The following TAS1R3 variants were observed in gnomAD, a reference collection of about 807,000 sequenced individuals.
TAS1R3 encodes taste 1 receptor member 3.
TAS1R3 carries 58 observed loss-of-function variants against 46.1 expected under a neutral mutation model. That is an observed-to-expected ratio of 1.26 (90% CI 1.02 to 1.57). The LOEUF (loss-of-function observed/expected upper bound fraction) is 1.57. TAS1R3 is among the 40% of genes most tolerant of loss of function. The probability of loss-of-function intolerance (pLI) is 0.00; values close to 1 mark genes in which losing one functional copy is unlikely to be tolerated. For synonymous variants in TAS1R3, 724 were observed against 544.7 expected (o/e 1.33, Z -4.58); for missense variants, 1,422 against 1,185.8 (o/e 1.20, Z -2.93).
chr1:1,332,297 G>A lies in TAS1R3; in HGVS notation c.766G>A (p.Val256Met). The A allele has an allele frequency of 1.9e-6, 3 of 1,605,858 alleles. No homozygotes were observed. The highest frequency in any genetic ancestry group is 1.7e-6 in the Non-Finnish European group (2 of 1,178,994). The change falls in exon 3 of 6, where the codon GTG (valine) becomes ATG (methionine). Residue 256 changes from valine to methionine, a missense_variant. Transcript: ENST00000339381. ...PRADDSRLGK[V>M]QDVLHQVNQS... ...TGCCGATGACTCGCGGCTGGGGAAG[G>A]TGCAGGACGTCCTGCACCAGGTGAA... is the stretch of plus-strand genomic sequence containing the variant.
chr1:1,334,299 C>A lies in TAS1R3; in HGVS notation c.2394C>A (p.Leu798=), dbSNP rs1418019280. Residue 798 remains leucine, a synonymous_variant, in exon 6 of 6, where the codon CTC becomes CTA. Transcript: ENST00000339381. ...VLRPAVQMGA[L]LLCVLGILAA... is the part of the protein sequence containing the mutation. ...GGCCCGCCGTGCAGATGGGCGCCCT[C>A]CTGCTCTGTGTCCTGGGCATCCTGG... The A allele has an allele frequency of 1.9e-6, 3 of 1,611,932 alleles. No individual in the cohort carries two copies. Among genetic ancestry groups the A allele is most frequent in the African/African-American group, 1.3e-5 (1 of 74,934 alleles).
rs1643489984 is a variant in TAS1R3, at chr1:1,333,802, T to C, written c.1897T>C (p.Cys633Arg). The C allele has an allele frequency of 1.3e-6, 2 of 1,596,514 alleles. No individual in the cohort carries two copies. Among genetic ancestry groups the C allele is most frequent in the East Asian group, 2.2e-5 (1 of 44,556 alleles). Reference protein sequence around the residue: ...LFPGQPSPARCLAQQPLSHLP... With the variant: ...LFPGQPSPARRLAQQPLSHLP... ...CCCTGGCCAGCCCAGCCCTGCCCGA[T>C]GCCTGGCCCAGCAGCCCTTGTCCCA... The change falls in exon 6 of 6, where the codon TGC (cysteine) becomes CGC (arginine). Residue 633 changes from cysteine (C) to arginine (R), a missense_variant. Coordinates refer to ENST00000339381, the MANE Select transcript of TAS1R3 (RefSeq NM_152228.3).
rs200424163 is a variant in TAS1R3, at chr1:1,332,591, C to T, written c.1060C>T (p.Leu354=). The T allele has an allele frequency of 1.6e-4, 250 of 1,611,480 alleles. 2 individuals carry two copies. In the East Asian group the frequency reaches 4.7e-3, roughly 30 times the overall value. ...LATDPAFCSA[L]GEREQGLEED... Reference sequence around the variant, plus strand: ...CACCGACCCGGCCTTCTGCTCTGCCCTGGGCGAGAGGGAGCAGGGTCTGGA... The same window carrying T: ...CACCGACCCGGCCTTCTGCTCTGCCTTGGGCGAGAGGGAGCAGGGTCTGGA... Residue 354 remains leucine, a synonymous_variant, in exon 3 of 6, where the codon CTG becomes TTG. Transcript: ENST00000339381.
In TAS1R3 at chr1:1,332,674, G is replaced by T; in HGVS notation, c.1143G>T (p.Val381=). ...GTGACTGCATCACGCTGCAGAACGT[G>T]AGCGCAGGGCTAAATCACCACCAGA... ...PQCDCITLQN[V]SAGLNHHQTF... Residue 381 remains valine (V), a synonymous_variant, in exon 3 of 6, where the codon GTG becomes GTT. Transcript: ENST00000339381. The T allele has an allele frequency of 1.2e-6, 2 of 1,605,732 alleles. No individual in the cohort carries two copies. The highest frequency in any genetic ancestry group is 2.2e-5 in the East Asian group (1 of 44,852).
chr1:1,334,104 G>A lies in TAS1R3; in HGVS notation c.2199G>A (p.Ala733=), dbSNP rs373966526. The change falls in exon 6 of 6, where the codon GCG becomes GCA. Residue 733 remains alanine (A), a synonymous_variant. Transcript: ENST00000339381. The part of the protein sequence containing the change: ...RTRSWVSFGL[A]HATNATLAFL... ...GCTCCTGGGTCAGCTTCGGCCTAGC[G>A]CACGCCACCAATGCCACGCTGGCCT... 187 of 1,583,688 alleles carry A rather than the reference G, an allele frequency of 1.2e-4. No homozygotes were observed. Among genetic ancestry groups the A allele is most frequent in the East Asian group, 4.6e-4 (20 of 43,302 alleles).
Position 1,333,639 on chromosome 1 carries a change from G to C in TAS1R3, c.1734G>C (p.Leu578=), listed in dbSNP as rs1643484816. Residue 578 remains leucine (L), a synonymous_variant, in exon 6 of 6, where the codon CTG becomes CTC. Coordinates refer to ENST00000339381, the MANE Select transcript of TAS1R3 (RefSeq NM_152228.3). ...AVLLLLLLLS[L]ALGLVLAALG... The stretch of plus-strand genomic sequence containing the variant: ...TGCTGCTGCTCCTGCTGCTGAGCCT[G>C]GCGCTGGGCCTTGTGCTGGCTGCTT... The C allele has an allele frequency of 6.2e-7, 1 of 1,611,724 alleles. No individual in the cohort carries two copies. The highest frequency in any genetic ancestry group is 1.3e-5 in the African/African-American group (1 of 74,952).
In TAS1R3 at chr1:1,334,358, T is replaced by A. The variant is rs936431435; in HGVS notation, c.2453T>A (p.Met818Lys). The A allele has an allele frequency of 6.2e-7, 1 of 1,611,050 alleles. No homozygotes were observed. The highest frequency in any genetic ancestry group is 8.5e-7 in the Non-Finnish European group (1 of 1,179,216). The change falls in exon 6 of 6, where the codon ATG becomes AAG. Residue 818 changes from methionine to lysine, a missense_variant. Met to Lys is a moderately conservative substitution (Grantham distance 95). Transcript: ENST00000339381. ...CACCTGCCCAGGTGTTACCTGCTCA[T>A]GCGGCAGCCAGGGCTCAACACCCCC... ...AFHLPRCYLL[M>K]RQPGLNTPEF...
rs745390433 is a variant in TAS1R3, at chr1:1,331,290, T to A, written c.-56T>A. On this transcript the variant is annotated 5_prime_UTR_variant, in exon 1 of 6. An upstream start codon of the reference 5' UTR is lost. Coordinates refer to ENST00000339381, the MANE Select transcript of TAS1R3 (RefSeq NM_152228.3). Reference sequence around the variant, plus strand: ...CGCTCCCCGCCCCGGGCTCACTCCATGTGAGGCCCCAGTCGGGGCAGCCAC... The same window carrying A: ...CGCTCCCCGCCCCGGGCTCACTCCAAGTGAGGCCCCAGTCGGGGCAGCCAC... 6.6e-7 allele frequency: 1 copy of A among 1,506,088 alleles called. No individual in the cohort carries two copies. The highest frequency in any genetic ancestry group is 2.3e-5 in the East Asian group (1 of 42,860). The allele number at this position is 1,506,088 out of a possible 1,614,324, so 93.3% of individuals were successfully genotyped here. A position where few individuals can be genotyped will look rare whatever the true frequency, so the allele number is the denominator to read the frequency against.
In TAS1R3 at chr1:1,333,055, C is replaced by T. The variant is rs768355198; in HGVS notation, c.1410C>T (p.Asp470=). 1.2e-5 allele frequency: 19 copies of T among 1,612,716 alleles called. No homozygotes were observed. Among genetic ancestry groups the T allele is most frequent in the Non-Finnish European group, 1.4e-5 (16 of 1,179,914 alleles). The change falls in exon 4 of 6, where the codon GAC becomes GAT. Residue 470 remains aspartate, a synonymous_variant. Transcript: ENST00000339381. ...AGGGCTCAGTGCCCAGGCTCCACGA[C>T]GTGGGCAGGTTCAACGGCAGCCTCA... The part of the protein sequence containing the change: ...VWQGSVPRLH[D]VGRFNGSLRT...
rs757566136 is a variant in TAS1R3 at position 1,332,028 on chromosome 1, G to A, written c.497G>A (p.Ser166Asn). The change falls in exon 3 of 6, where the codon AGC (serine) becomes AAC (asparagine). Residue 166 changes from serine to asparagine, a missense_variant. By Grantham distance (46) the Ser-to-Asn change is conservative. Transcript: ENST00000339381. ...GATGCCTCTTGGCCCTTGCAGGTCA[G>A]CTACGGTGCTAGCATGGAGCTGCTG... ...FFSFFLMPQVSYGASMELLSA... is the reference protein window; with the variant it reads ...FFSFFLMPQVNYGASMELLSA... The A allele has an allele frequency of 4.4e-6, 7 of 1,582,240 alleles. No homozygotes were observed. The highest frequency in any genetic ancestry group is 6.0e-6 in the Non-Finnish European group (7 of 1,164,262).
In TAS1R3 at chr1:1,332,993, G is replaced by T. The variant is rs781227953; in HGVS notation, c.1348G>T (p.Val450Leu). The T allele has an allele frequency of 1.9e-6, 3 of 1,612,758 alleles. No homozygotes were observed. Among genetic ancestry groups the T allele is most frequent in the Middle Eastern group, 3.3e-4 (2 of 6,062 alleles). ...LPLRFDSSGN[V>L]DMEYDLKLWV... ...GCTGCGGTTCGACAGCAGCGGAAAC[G>T]TGGACATGGAGTACGACCTGAAGCT... Residue 450 changes from valine (V) to leucine (L), a missense_variant, in exon 4 of 6, where the codon GTG (valine) becomes TTG (leucine). By Grantham distance (32) the Val-to-Leu change is conservative. Coordinates refer to ENST00000339381, the MANE Select transcript of TAS1R3 (RefSeq NM_152228.3).
Position 1,334,234 on chromosome 1 carries a change from T to G in TAS1R3, c.2329T>G (p.Ser777Ala). ...AMLAYFITWV[S>A]FVPLLANVQV... is the part of the protein sequence containing the mutation. ...GCTGGCCTACTTCATCACCTGGGTC[T>G]CCTTTGTGCCCCTCCTGGCCAATGT... The change falls in exon 6 of 6, where the codon TCC (serine) becomes GCC (alanine). Residue 777 changes from serine (S) to alanine (A), a missense_variant. Coordinates refer to ENST00000339381, the MANE Select transcript of TAS1R3 (RefSeq NM_152228.3). 1 of 1,606,490 alleles carries G rather than the reference T, an allele frequency of 6.2e-7. No individual in the cohort carries two copies. The highest frequency in any genetic ancestry group is 8.5e-7 in the Non-Finnish European group (1 of 1,175,120).
Position 1,331,926 on chromosome 1 carries a change from C to T in TAS1R3, c.480C>T (p.Phe160=), listed in dbSNP as rs1437263219. 6.2e-7 allele frequency: 1 copy of T among 1,610,936 alleles called. No homozygotes were observed. Among genetic ancestry groups the T allele is most frequent in the Non-Finnish European group, 8.5e-7 (1 of 1,178,912 alleles). Residue 160 remains phenylalanine, a synonymous_variant, in exon 2 of 6, where the codon TTC becomes TTT. Transcript: ENST00000339381. ...AMVTGKFFSF[F]LMPQVSYGAS... ...TCACCGGCAAGTTCTTCAGCTTCTTCCTCATGCCCCAGGTGGGCGCCCCCC... is the reference window on the plus strand; with the variant it reads ...TCACCGGCAAGTTCTTCAGCTTCTTTCTCATGCCCCAGGTGGGCGCCCCCC...
chr1:1,333,637 C>G lies in TAS1R3; in HGVS notation c.1732C>G (p.Leu578Val). 1 of 1,611,812 alleles carries G rather than the reference C, an allele frequency of 6.2e-7. No homozygotes were observed. The change falls in exon 6 of 6, where the codon CTG becomes GTG. Residue 578 changes from leucine (L) to valine (V), a missense_variant. Coordinates refer to ENST00000339381, the MANE Select transcript of TAS1R3 (RefSeq NM_152228.3). ...AVLLLLLLLSLALGLVLAALG... is the reference protein window; with the variant it reads ...AVLLLLLLLSVALGLVLAALG... ...GCTGCTGCTGCTCCTGCTGCTGAGC[C>G]TGGCGCTGGGCCTTGTGCTGGCTGC...
chr1:1,334,063 G>A lies in TAS1R3; in HGVS notation c.2158G>A (p.Val720Met), dbSNP rs1367485527. The change falls in exon 6 of 6, where the codon GTG (valine) becomes ATG (methionine). Residue 720 changes from valine to methionine, a missense_variant. Transcript: ENST00000339381. ...DWHMLPTEAL[V>M]HCRTRSWVSF... is the part of the protein sequence containing the mutation. ...GCACATGCTGCCCACGGAGGCGCTGGTGCACTGCCGCACACGCTCCTGGGT... is the reference window on the plus strand; with the variant it reads ...GCACATGCTGCCCACGGAGGCGCTGATGCACTGCCGCACACGCTCCTGGGT... 6.3e-7 allele frequency: 1 copy of A among 1,599,698 alleles called. No individual in the cohort carries two copies. The highest frequency in any genetic ancestry group is 1.1e-5 in the South Asian group (1 of 90,162).
In TAS1R3 at chr1:1,333,652, G is replaced by C. The variant is rs763058221; in HGVS notation, c.1747G>C (p.Val583Leu). The change falls in exon 6 of 6, where the codon GTG becomes CTG. Residue 583 changes from valine to leucine, a missense_variant. Coordinates refer to ENST00000339381, the MANE Select transcript of TAS1R3 (RefSeq NM_152228.3). ...LLLLSLALGL[V>L]LAALGLFVHH... ...GCTGCTGAGCCTGGCGCTGGGCCTT[G>C]TGCTGGCTGCTTTGGGGCTGTTCGT... The C allele has an allele frequency of 1.1e-5, 18 of 1,612,010 alleles. No homozygotes were observed. The highest frequency in any genetic ancestry group is 1.4e-5 in the Non-Finnish European group (16 of 1,179,928).
rs1643458777 is a variant in TAS1R3 at position 1,332,735 on chromosome 1, C to G, written c.1204C>G (p.Gln402Glu). 6.2e-7 allele frequency: 1 copy of G among 1,604,740 alleles called. No homozygotes were observed. The highest frequency in any genetic ancestry group is 1.3e-5 in the African/African-American group (1 of 74,950). Residue 402 changes from glutamine (Q) to glutamate (E), a missense_variant, in exon 3 of 6, where the codon CAG (glutamine) becomes GAG (glutamate). Physicochemically the swap from Gln to Glu is conservative, Grantham distance 29. Transcript: ENST00000339381. ...SVYAAVYSVA[Q>E]ALHNTLQCNA... is the part of the protein sequence containing the mutation. ...CTACGCAGCTGTGTATAGCGTGGCC[C>G]AGGCCCTGCACAACACTCTTCAGTG...
In TAS1R3 at chr1:1,334,427, A is replaced by T; in HGVS notation, c.2522A>T (p.Asn841Ile). 1 of 1,598,836 alleles carries T rather than the reference A, an allele frequency of 6.3e-7. No individual in the cohort carries two copies. The highest frequency in any genetic ancestry group is 8.5e-7 in the Non-Finnish European group (1 of 1,171,986). Residue 841 changes from asparagine to isoleucine, a missense_variant, in exon 6 of 6, where the codon AAT (asparagine) becomes ATT (isoleucine). Asn to Ile is a moderately radical substitution (Grantham distance 149). Transcript: ENST00000339381. Reference protein sequence around the residue: ...GGGPGDAQGQNDGNTGNQGKH... With the variant: ...GGGPGDAQGQIDGNTGNQGKH... ...GGCCCTGGGGATGCCCAAGGCCAGAATGACGGGAACACAGGAAATCAGGGG... is the reference window on the plus strand; with the variant it reads ...GGCCCTGGGGATGCCCAAGGCCAGATTGACGGGAACACAGGAAATCAGGGG...
chr1:1,333,177 G>T (rs916545189), intron 4 of TAS1R3, 53 bp downstream of exon 4: 2 of 1,592,618 alleles, frequency 1.3e-6, no homozygotes, highest in Non-Finnish European at 1.7e-6. Flanking sequence ...CCGCGGCAGG[G>T]CGCAGCCTGG....
Sources: gnomAD v4.1 joint callset for allele counts on GRCh38, gnomAD v4.1.1 for gene constraint, MANE v1.5 for transcripts, NCBI Gene and HGNC (gene_info 2026-07-23, HGNC 2026-07-21) for gene names.